PPP2R2B: variants seen among roughly 807,000 people sequenced by gnomAD.
PPP2R2B encodes protein phosphatase 2 regulatory subunit Bbeta.
PPP2R2B carries 5 observed loss-of-function variants against 46.0 expected under a neutral mutation model. The ratio of observed to expected loss-of-function variants is 0.11; its 90% CI spans 0.06 to 0.23. PPP2R2B has a LOEUF of 0.23. PPP2R2B is among the 10% of genes least tolerant of loss of function. The pLI is 1.00. For missense variants in PPP2R2B, 367 were observed against 575.0 expected, an observed-to-expected ratio of 0.64 and a Z score of 3.70; for synonymous variants, 215 against 206.7, an observed-to-expected ratio of 1.04 and a Z score of -0.34.
intron 2 of PPP2R2B, among the ~76,000 whole-genome samples, chr5:146,712,780 G>T (rs1217110167): frequency 6.6e-6 from 1 of 152,112 alleles, no homozygotes; most frequent in Non-Finnish European, 1.5e-5. Flanking sequence ...AATAGAGGAG[G>T]ACTGGTCTTC....
In PPP2R2B at chr5:146,807,937, T is replaced by C. The variant is rs376825597; in HGVS notation, c.70+70065A>G. Among the ~76,000 whole-genome samples, 64 of 151,698 alleles carry C rather than the reference T, an allele frequency of 4.2e-4. No homozygotes were observed. In the East Asian group the frequency reaches 4.3e-3, roughly 10 times the overall value. On this transcript the variant is annotated intron_variant, in intron 2 of 9. Transcript: ENST00000394411. ...GCCTCAGCCTCCCAAGTAGGTGAGA[T>C]TACATGTGCCTACCACCACGCCCAG...
At chr5:146,917,405 C>A (rs537071701) in intron 1 of PPP2R2B, among the ~76,000 whole-genome samples, 1 of 152,322 alleles carries the variant, frequency 6.6e-6, no homozygotes, top group African/African-American at 2.4e-5. Context: ...TCACCAAGCG[C>A]CTACCTCAGT....
chr5:146,642,792 C>G (rs562234781), intron 6 of PPP2R2B, among the ~76,000 whole-genome samples: 1 of 152,162 alleles, frequency 6.6e-6, no homozygotes, highest in Non-Finnish European at 1.5e-5. Context: ...CATGGTGGCT[C>G]GCACCTGCAA....
intron 2 of PPP2R2B, among the ~76,000 whole-genome samples, chr5:146,788,263 C>G (rs908846930): frequency 6.6e-6 from 1 of 151,802 alleles, no homozygotes; most frequent in African/African-American, 2.4e-5. Context: ...ATCTCCTCTG[C>G]CCAAATTTTG....
At chr5:146,917,525 C>T (rs569642538) in intron 1 of PPP2R2B, among the ~76,000 whole-genome samples, 157 of 152,288 alleles carry the variant, frequency 1.0e-3, no homozygotes, top group Middle Eastern at 0.01. Flanking sequence ...AAATAAGGAT[C>T]TTCATTTATA....
chr5:146,866,180 G>C (rs553347004), intron 2 of PPP2R2B, among the ~76,000 whole-genome samples: 5 of 152,152 alleles, frequency 3.3e-5, no homozygotes, highest in Non-Finnish European at 7.3e-5. Flanking sequence ...ACTGATCCCT[G>C]CTCTAGAACA....
intron 6 of PPP2R2B, among the ~76,000 whole-genome samples, chr5:146,639,345 T>C (rs1581770331): frequency 1.3e-5 from 2 of 152,188 alleles, no homozygotes; most frequent in East Asian, 3.8e-4. Flanking sequence ...TTTCTCAGTA[T>C]TTCCCTTTCT....
chr5:146,675,578 C>T (rs1777656213), intron 5 of PPP2R2B, among the ~76,000 whole-genome samples: 1 of 152,174 alleles, frequency 6.6e-6, no homozygotes, highest in South Asian at 2.1e-4. Flanking sequence ...CAATATTAAG[C>T]ATGCTCCCTG....
chr5:147,056,492 A>T (rs985592660), upstream of PPP2R2B, among the ~76,000 whole-genome samples: 2 of 152,186 alleles, frequency 1.3e-5, no homozygotes, highest in African/African-American at 4.8e-5. Context: ...GCAATAACTT[A>T]GTTCTGAGTT....
intron 2 of PPP2R2B, among the ~76,000 whole-genome samples, chr5:146,861,545 A>G (rs1490464858): frequency 6.6e-6 from 1 of 152,230 alleles, no homozygotes; most frequent in Non-Finnish European, 1.5e-5. Context: ...TATTCGCTAC[A>G]TTAATTCCCA....
chr5:146,720,355 A>C (rs1374066478), intron 2 of PPP2R2B, among the ~76,000 whole-genome samples: 4 of 152,196 alleles, frequency 2.6e-5, no homozygotes, highest in African/African-American at 4.8e-5. Context: ...TCTTACCCAG[A>C]AGTTGACTGC....
intron 8 of PPP2R2B, among the ~76,000 whole-genome samples, chr5:146,593,749 G>C (rs1268113494): frequency 6.6e-6 from 1 of 152,204 alleles, no homozygotes; most frequent in Non-Finnish European, 1.5e-5. Flanking sequence ...AGGAATCCTG[G>C]AGGGAGTGTG....
intron 1 of PPP2R2B, among the ~76,000 whole-genome samples, chr5:146,973,069 T>C (rs1193187441): frequency 8.8e-6 from 1 of 113,210 alleles, no homozygotes; most frequent in Non-Finnish European, 2.2e-5. Context: ...TTGATGATCT[T>C]TAAAAATGTT....
At chr5:146,869,892 T>A (rs961098943) in intron 2 of PPP2R2B, among the ~76,000 whole-genome samples, 1 of 152,122 alleles carries the variant, frequency 6.6e-6, no homozygotes, top group Non-Finnish European at 1.5e-5. Flanking sequence ...ACATAAGCAA[T>A]GTTAGTTTCA....
intron 2 of PPP2R2B, chr5:146,707,125 GC>G: frequency 6.3e-7 from 1 of 1,596,052 alleles, no homozygotes; most frequent in South Asian, 1.1e-5. Context: ...GCCAAGCTCC[GC>G]CTCCAGCTTC....
intron 7 of PPP2R2B, among the ~76,000 whole-genome samples, chr5:146,609,976 G>A (rs1178022163): frequency 1.4e-5 from 2 of 142,720 alleles, no homozygotes; most frequent in Non-Finnish European, 3.0e-5. Flanking sequence ...CGGGAAGCTC[G>A]AACTGGGTGG....
chr5:146,991,471 T>A, intron 1 of PPP2R2B, among the ~76,000 whole-genome samples: 1 of 152,142 alleles, frequency 6.6e-6, no homozygotes, highest in East Asian at 1.9e-4. Context: ...AGGTACAACA[T>A]TACATTAGGC....
intron 1 of PPP2R2B, among the ~76,000 whole-genome samples, chr5:146,931,806 T>C (rs759085392): frequency 6.6e-6 from 1 of 152,198 alleles, no homozygotes; most frequent in Non-Finnish European, 1.5e-5. Flanking sequence ...GAGTTGACTA[T>C]AAATGGAAAA....
At chr5:146,641,341 C>A (rs1775194461) in intron 6 of PPP2R2B, among the ~76,000 whole-genome samples, 2 of 152,126 alleles carry the variant, frequency 1.3e-5, no homozygotes, top group Non-Finnish European at 1.5e-5. Context: ...AATGGCCTCA[C>A]AAAGCTGGCC....
Sources: gnomAD v4.1 joint callset for allele counts (sites outside exome capture counted in the v4.1 genomes callset) on GRCh38, gnomAD v4.1.1 for gene constraint, MANE v1.5 for transcripts, NCBI Gene and HGNC (gene_info 2026-07-23, HGNC 2026-07-21) for gene names.